C8orf34: variants seen among roughly 807,000 people sequenced by gnomAD.
The protein encoded by C8orf34 is uncharacterized protein C8orf34.
C8orf34 carries 65 observed loss-of-function variants against 68.3 expected under a neutral mutation model. That is an observed-to-expected ratio of 0.95 (90% CI 0.78 to 1.17). The LOEUF (loss-of-function observed/expected upper bound fraction) is 1.17. Ranked by LOEUF, C8orf34 falls within the 50% of genes most tolerant of loss-of-function variation. The pLI is 0.00. For missense variants in C8orf34, 664 were observed against 655.4 expected, an observed-to-expected ratio of 1.01 and a Z score of -0.14; for synonymous variants, 244 against 241.2, an observed-to-expected ratio of 1.01 and a Z score of -0.11.
At chr8:68,766,291 T>C (rs1823173417) in intron 10 of C8orf34, among the ~76,000 whole-genome samples, 1 of 152,208 alleles carries the variant, frequency 6.6e-6, no homozygotes, top group Non-Finnish European at 1.5e-5. Flanking sequence ...CGTTTAGTCA[T>C]TTTGCAAAGA....
intron 10 of C8orf34, among the ~76,000 whole-genome samples, chr8:68,740,532 A>G (rs777444145): frequency 4.6e-5 from 7 of 152,190 alleles, no homozygotes; most frequent in African/African-American, 1.2e-4. Flanking sequence ...CAAAATCACA[A>G]TGAGATACCA....
chr8:68,465,613 A>G (rs1253110916), intron 3 of C8orf34, among the ~76,000 whole-genome samples: 1 of 152,152 alleles, frequency 6.6e-6, no homozygotes, highest in Non-Finnish European at 1.5e-5. Context: ...ATGGAATACT[A>G]TGCAGCCATA....
At chr8:68,598,756 G>GA (rs1189463035) in intron 7 of C8orf34, among the ~76,000 whole-genome samples, 1 of 151,940 alleles carries the variant, frequency 6.6e-6, no homozygotes, top group Admixed American at 6.6e-5. Flanking sequence ...TCTCTTTCAG[G>GA]AAAAAATATC....
chr8:68,793,274 C>T (rs1461544894), intron 12 of C8orf34, among the ~76,000 whole-genome samples: 1 of 152,290 alleles, frequency 6.6e-6, no homozygotes, highest in Non-Finnish European at 1.5e-5. Flanking sequence ...AAACTACATA[C>T]TTCCAAAAGG....
intron 1 of C8orf34, among the ~76,000 whole-genome samples, chr8:68,418,786 A>G (rs187200705): frequency 0.059 from 8,977 of 152,084 alleles, 515 homozygotes; most frequent in African/African-American, 0.15. Context: ...ATATGTAGAA[A>G]GTTGAAACTG....
chr8:68,392,128 A>G (rs1403542931), intron 1 of C8orf34, among the ~76,000 whole-genome samples: 1 of 152,040 alleles, frequency 6.6e-6, no homozygotes, highest in Non-Finnish European at 1.5e-5. Flanking sequence ...TATCTACAAA[A>G]TATTTTGTTT....
At chr8:68,443,559 G>A (rs148352538) in intron 2 of C8orf34, among the ~76,000 whole-genome samples, 5 of 151,630 alleles carry the variant, frequency 3.3e-5, no homozygotes, top group East Asian at 1.9e-4. Flanking sequence ...CCACCATGCC[G>A]AGCTAACTTT....
chr8:68,359,115 T>G (rs1304276662), intron 1 of C8orf34, among the ~76,000 whole-genome samples: 1 of 152,206 alleles, frequency 6.6e-6, no homozygotes, highest in East Asian at 1.9e-4. Flanking sequence ...GATAATGAAG[T>G]CATTAAAAAT....
At chr8:68,478,047 G>T (rs1049727918) in intron 4 of C8orf34, among the ~76,000 whole-genome samples, 1 of 152,174 alleles carries the variant, frequency 6.6e-6, no homozygotes, top group Non-Finnish European at 1.5e-5. Context: ...TTTCCCCATT[G>T]TCTTGGTGAA....
At chr8:68,677,502 G>T (rs1034171831) in intron 8 of C8orf34, among the ~76,000 whole-genome samples, 6 of 151,966 alleles carry the variant, frequency 3.9e-5, no homozygotes, top group Non-Finnish European at 5.9e-5. Flanking sequence ...GAGACTACAA[G>T]CATGTGTCAC....
chr8:68,532,920 G>A, intron 6 of C8orf34, 63 bp from the exon 7 acceptor site: 1 of 1,220,240 alleles, frequency 8.2e-7, no homozygotes, highest in Non-Finnish European at 1.2e-6. Flanking sequence ...ATAACCAAAT[G>A]GAAATTTATT....
intron 8 of C8orf34, among the ~76,000 whole-genome samples, chr8:68,664,710 A>C (rs1819785744): frequency 6.6e-6 from 1 of 152,254 alleles, no homozygotes; most frequent in Middle Eastern, 3.4e-3. Context: ...CCCCTTCCTT[A>C]GTGTGCCCTA....
At chr8:68,766,938 C>T (rs1189198572) in intron 10 of C8orf34, among the ~76,000 whole-genome samples, 1 of 152,160 alleles carries the variant, frequency 6.6e-6, no homozygotes, top group Non-Finnish European at 1.5e-5. Flanking sequence ...AATCCTGGCA[C>T]TTTGGGAGGC....
chr8:68,621,439 T>C (rs1039544624), intron 7 of C8orf34, among the ~76,000 whole-genome samples: 2 of 152,178 alleles, frequency 1.3e-5, no homozygotes, highest in African/African-American at 4.8e-5. Flanking sequence ...TAATAAACAC[T>C]ACAACACAAA....
intron 12 of C8orf34, chr8:68,790,888 T>C (rs1823976125): frequency 4.3e-6 from 3 of 700,828 alleles, no homozygotes; most frequent in Admixed American, 2.0e-5. Flanking sequence ...TATTTGCTTA[T>C]TCTAAAAGTT....
intron 7 of C8orf34, chr8:68,535,082 T>C: frequency 4.1e-6 from 4 of 985,318 alleles, no homozygotes; most frequent in South Asian, 4.7e-5. Context: ...TAGCTTGGAA[T>C]GTTACAAGTC....
At chr8:68,475,250 T>A (rs1812556612) in intron 4 of C8orf34, among the ~76,000 whole-genome samples, 1 of 152,244 alleles carries the variant, frequency 6.6e-6, no homozygotes, top group Admixed American at 6.5e-5. Context: ...TCTCTGTTGC[T>A]GTCCTCTTCT....
intron 8 of C8orf34, among the ~76,000 whole-genome samples, chr8:68,701,797 G>A (rs776542513): frequency 2.6e-5 from 4 of 152,020 alleles, no homozygotes; most frequent in Non-Finnish European, 4.4e-5. Context: ...CTATCACACT[G>A]ATGGCATATT....
At chr8:68,371,326 CA>C (rs1263743263) in intron 1 of C8orf34, among the ~76,000 whole-genome samples, 2 of 152,086 alleles carry the variant, frequency 1.3e-5, no homozygotes, top group African/African-American at 4.8e-5. Flanking sequence ...TATAATTTGA[CA>C]ATTTTTAATA....
Sources: gnomAD v4.1 joint callset for allele counts (sites outside exome capture counted in the v4.1 genomes callset) on GRCh38, gnomAD v4.1.1 for gene constraint, MANE v1.5 for transcripts, NCBI Gene and HGNC (gene_info 2026-07-23, HGNC 2026-07-21) for gene names.